The following SP4 variants were observed in gnomAD, a reference collection of about 807,000 sequenced individuals.
SP4 encodes the protein transcription factor Sp4.
Under a neutral mutation model 72.8 loss-of-function variants are expected in SP4, and 19 were observed. The observed-to-expected ratio is 0.26, with a 90% CI of 0.18 to 0.38. The LOEUF (loss-of-function observed/expected upper bound fraction) is 0.38. Ranked by LOEUF, SP4 falls within the 10% of genes least tolerant of loss-of-function variation. The probability of loss-of-function intolerance (pLI) is 1.00; values close to 1 mark genes in which losing one functional copy is unlikely to be tolerated. For missense variants in SP4, 1,008 were observed against 926.3 expected (o/e 1.09, Z -1.14); for synonymous variants, 395 against 333.1 (o/e 1.19, Z -2.02).
intron 5 of SP4, among the ~76,000 whole-genome samples, chr7:21,491,007 A>G (rs1784963487): frequency 6.6e-6 from 1 of 152,196 alleles, no homozygotes; most frequent in African/African-American, 2.4e-5. Context: ...TGTCCGGGAT[A>G]CAGTCCAAAA....
At chr7:21,495,820 ATTTAT>A (rs950350309) in intron 5 of SP4, among the ~76,000 whole-genome samples, 3 of 150,190 alleles carry the variant, frequency 2.0e-5, no homozygotes, top group African/African-American at 7.4e-5. Context: ...TGTGTGGCAG[ATTTAT>A]TTATTTATTA....
At chr7:21,474,076 ACAAAGAAATG>A (rs1313321419) in intron 3 of SP4, among the ~76,000 whole-genome samples, 1 of 152,200 alleles carries the variant, frequency 6.6e-6, no homozygotes, top group African/African-American at 2.4e-5. Context: ...TAGGCATTGA[ACAAAGAAATG>A]CTCACAATAT....
intron 5 of SP4, among the ~76,000 whole-genome samples, chr7:21,509,922 TCA>T (rs949797084): frequency 6.6e-6 from 1 of 152,184 alleles, no homozygotes; most frequent in African/African-American, 2.4e-5. Context: ...TGGGGAGGCC[TCA>T]CAATCATGGT....
At chr7:21,473,362 G>A (rs1784404895) in intron 3 of SP4, among the ~76,000 whole-genome samples, 1 of 152,216 alleles carries the variant, frequency 6.6e-6, no homozygotes, top group African/African-American at 2.4e-5. Context: ...GACATTAGCA[G>A]AAGCAAGACT....
At chr7:21,428,625 A>C in intron 1 of SP4, 52 bp from the exon 2 acceptor site, 1 of 1,474,152 alleles carries the variant, frequency 6.8e-7, no homozygotes, top group African/African-American at 1.4e-5. Flanking sequence ...ACGAATAATA[A>C]TAATCCTAAT....
At chr7:21,446,480 T>G (rs1223815288) in intron 3 of SP4, among the ~76,000 whole-genome samples, 1 of 152,200 alleles carries the variant, frequency 6.6e-6, no homozygotes, top group Non-Finnish European at 1.5e-5. Context: ...AGGTAGCAGT[T>G]TGTCTCTGCC....
At chr7:21,454,825 G>A (rs1375568311) in intron 3 of SP4, among the ~76,000 whole-genome samples, 4 of 152,078 alleles carry the variant, frequency 2.6e-5, no homozygotes, top group Non-Finnish European at 4.4e-5. Context: ...TCACAGGTTG[G>A]GCACCCATCT....
intron 4 of SP4, among the ~76,000 whole-genome samples, chr7:21,480,180 G>T (rs1251736461): frequency 6.6e-6 from 1 of 152,064 alleles, no homozygotes; most frequent in African/African-American, 2.4e-5. Context: ...TTTTGTTGAG[G>T]ATTTTTGCAT....
intron 5 of SP4, among the ~76,000 whole-genome samples, chr7:21,484,632 T>C (rs1301052946): frequency 2.6e-5 from 4 of 151,916 alleles, no homozygotes; most frequent in South Asian, 2.1e-4. Context: ...GTTGTTGATA[T>C]CTGTTTTAGA....
intron 3 of SP4, among the ~76,000 whole-genome samples, chr7:21,472,045 G>C (rs974206478): frequency 6.6e-6 from 1 of 152,186 alleles, no homozygotes; most frequent in Admixed American, 6.5e-5. Flanking sequence ...AGTGGGCTAA[G>C]CTATCTGGTT....
intron 3 of SP4, chr7:21,470,967 T>A (rs563211902): frequency 6.3e-6 from 3 of 478,250 alleles, no homozygotes; most frequent in African/African-American, 6.0e-5. Flanking sequence ...GTAAGAAGGA[T>A]TAAAGACTAA....
intron 3 of SP4, among the ~76,000 whole-genome samples, chr7:21,471,981 A>G (rs1784358623): frequency 6.6e-6 from 1 of 152,200 alleles, no homozygotes; most frequent in Non-Finnish European, 1.5e-5. Context: ...GAGAGGAATC[A>G]AGAATGACTT....
At chr7:21,459,623 G>A (rs1783889676) in intron 3 of SP4, among the ~76,000 whole-genome samples, 2 of 152,194 alleles carry the variant, frequency 1.3e-5, no homozygotes, top group Admixed American at 1.3e-4. Context: ...ACTGTAATAA[G>A]ATTATACTGT....
At chr7:21,491,555 C>T (rs978600016) in intron 5 of SP4, among the ~76,000 whole-genome samples, 12 of 152,030 alleles carry the variant, frequency 7.9e-5, no homozygotes, top group Non-Finnish European at 2.9e-5. Flanking sequence ...TCAGGAAGTT[C>T]GTTGAATCCC....
chr7:21,448,724 C>T (rs572215191), intron 3 of SP4, among the ~76,000 whole-genome samples: 35 of 152,270 alleles, frequency 2.3e-4, no homozygotes, highest in Non-Finnish European at 4.6e-4. Context: ...ATTATTACAT[C>T]GTTTTGTTTA....
At chr7:21,510,371 T>G (rs1262069184) in intron 5 of SP4, among the ~76,000 whole-genome samples, 1 of 146,816 alleles carries the variant, frequency 6.8e-6, no homozygotes, top group Admixed American at 6.6e-5. Flanking sequence ...TAGTTAACAT[T>G]AAACTAGCTT....
chr7:21,460,865 A>G (rs1011675064), intron 3 of SP4, among the ~76,000 whole-genome samples: 2 of 152,000 alleles, frequency 1.3e-5, no homozygotes, highest in Admixed American at 1.3e-4. Flanking sequence ...TGATTGCTGC[A>G]TTTACAAACC....
chr7:21,483,986 A>T (rs1784752487), intron 5 of SP4, among the ~76,000 whole-genome samples: 1 of 151,916 alleles, frequency 6.6e-6, no homozygotes. Context: ...GCTATATTAT[A>T]GTCAGATATT....
chr7:21,441,023 C>T (rs1008187566), intron 3 of SP4, among the ~76,000 whole-genome samples: 2 of 152,182 alleles, frequency 1.3e-5, no homozygotes, highest in African/African-American at 4.8e-5. Flanking sequence ...GATTTACATA[C>T]ATGAAACCAT....
Sources: allele counts gnomAD v4.1 joint callset (sites outside exome capture counted in the v4.1 genomes callset), GRCh38; gene constraint gnomAD v4.1.1; transcripts MANE v1.5; gene names NCBI Gene and HGNC (gene_info 2026-07-23, HGNC 2026-07-21).